OSMR: variants seen among roughly 807,000 people sequenced by gnomAD.
The protein encoded by OSMR is oncostatin-M-specific receptor subunit beta.
OSMR carries 81 observed loss-of-function variants against 99.9 expected under a neutral mutation model. That is an observed-to-expected ratio of 0.81 (90% confidence interval 0.68 to 0.97). OSMR has a LOEUF of 0.97. Ranked by LOEUF, OSMR falls within the 50% of genes least tolerant of loss-of-function variation. OSMR has a pLI of 0.00. For missense variants in OSMR, 1,099 were observed against 1,153.4 expected (o/e 0.95, Z 0.68); for synonymous variants, 406 against 410.4 (o/e 0.99, Z 0.13).
rs1053077650 is a variant in OSMR, at chr5:38,846,350, G to A, written c.-51G>A. On this transcript the variant is annotated 5_prime_UTR_variant, in exon 1 of 18. Transcript: ENST00000274276. ...GCTGGGCTACCACCTGCGCTCGGAC[G>A]GCGCTCGGAGGGTCCTCGCCCCCGG... The A allele has an allele frequency of 6.6e-6, 1 of 152,286 alleles. No individual in the cohort carries two copies. The highest frequency in any genetic ancestry group is 1.5e-5 in the Non-Finnish European group (1 of 68,106). 9.4% of individuals were successfully genotyped at this position (152,286 alleles called of 1,614,324 possible). A position where few individuals can be genotyped will look rare whatever the true frequency, so the allele number is the denominator to read the frequency against.
At chr5:38,920,874 A>G (rs2112648052) in intron 11 of OSMR, among the ~76,000 whole-genome samples, 1 of 152,338 alleles carries the variant, frequency 6.6e-6, no homozygotes, top group South Asian at 2.1e-4. Context: ...AGACATCAGG[A>G]AACCTACTTT....
chr5:38,944,429 G>C (rs750741403), intron 2 of OSMR: 16 of 1,589,970 alleles, frequency 1.0e-5, no homozygotes, highest in Non-Finnish European at 1.2e-5. Context: ...TAATACTCAT[G>C]CACATAGTTT....
chr5:38,913,400 A>T, intron 9 of OSMR, among the ~76,000 whole-genome samples: 1 of 152,050 alleles, frequency 6.6e-6, no homozygotes, highest in East Asian at 1.9e-4. Flanking sequence ...ATAGAAAAAA[A>T]TCAGCCAGGC....
At chr5:38,854,285 G>A (rs1740681748) in intron 1 of OSMR, among the ~76,000 whole-genome samples, 1 of 152,210 alleles carries the variant, frequency 6.6e-6, no homozygotes, top group Non-Finnish European at 1.5e-5. Flanking sequence ...TTATCACGCT[G>A]CTTCTCATGG....
At chr5:38,940,143 C>CAAAAAAAAAAAAAAA (rs68031684), downstream of OSMR, 1 of 178,676 alleles carries the variant, frequency 5.6e-6, no homozygotes, top group African/African-American at 2.7e-5. Context: ...AAAAAAAAAA[C>CAAAAAAAAAAAAAAA]AAAAAAAAAA....
chr5:38,877,740 C>T (rs567177303), intron 3 of OSMR, among the ~76,000 whole-genome samples: 1 of 152,190 alleles, frequency 6.6e-6, no homozygotes, highest in African/African-American at 2.4e-5. Context: ...ATAACATTAA[C>T]CATAGACTAC....
At chr5:38,857,473 GT>G (rs1579626958) in intron 1 of OSMR, among the ~76,000 whole-genome samples, 1 of 152,118 alleles carries the variant, frequency 6.6e-6, no homozygotes, top group East Asian at 1.9e-4. Context: ...TTAATATTCA[GT>G]TGTAATACAA....
intron 1 of OSMR, chr5:38,942,824 C>T (rs368617002): frequency 1.3e-6 from 2 of 1,583,652 alleles, no homozygotes. Context: ...AAGTACTAAT[C>T]ATACTTACTT....
intron 7 of OSMR, among the ~76,000 whole-genome samples, chr5:38,891,539 G>C (rs1047454701): frequency 7.2e-5 from 11 of 152,206 alleles, no homozygotes; most frequent in Non-Finnish European, 7.3e-5. Context: ...TGTGGAGCCA[G>C]GGGAGGCTCC....
At chr5:38,873,745 G>A (rs1379129998) in intron 2 of OSMR, among the ~76,000 whole-genome samples, 2 of 152,112 alleles carry the variant, frequency 1.3e-5, no homozygotes, top group African/African-American at 4.8e-5. Flanking sequence ...TAATGATATT[G>A]AACATCTTTT....
At chr5:38,910,305 T>TA (rs1745490458) in intron 9 of OSMR, among the ~76,000 whole-genome samples, 1 of 152,158 alleles carries the variant, frequency 6.6e-6, no homozygotes, top group African/African-American at 2.4e-5. Flanking sequence ...CTGACAGTAT[T>TA]ACATGAATTA....
chr5:38,939,371 G>T (rs1288207364), downstream of OSMR: 2 of 232,058 alleles, frequency 8.6e-6, no homozygotes, highest in Non-Finnish European at 1.7e-5. Flanking sequence ...CTTCCAAAGA[G>T]CCTCTTTTAA....
At chr5:38,877,947 T>C (rs895899548) in intron 3 of OSMR, among the ~76,000 whole-genome samples, 2 of 152,206 alleles carry the variant, frequency 1.3e-5, no homozygotes, top group African/African-American at 4.8e-5. Flanking sequence ...ATTTCTGTAA[T>C]CTTCTAGGGC....
At position 38,931,901 on chromosome 5, in the gene OSMR, T is replaced by G; in HGVS notation, c.2231T>G (p.Ile744Ser). 1 of 1,613,664 alleles carries G rather than the reference T, an allele frequency of 6.2e-7. No homozygotes were observed. Among genetic ancestry groups the G allele is most frequent in the Non-Finnish European group, 8.5e-7 (1 of 1,179,590 alleles). Residue 744 changes from isoleucine to serine, a missense_variant, in exon 16 of 18, where the codon ATC (isoleucine) becomes AGC (serine). Coordinates refer to ENST00000274276, the MANE Select transcript of OSMR (RefSeq NM_003999.3). ...CGTTCAGCCTCGATGCTGATTCATA[T>G]CCTACTGCCCATGGTTTTCTGCGTC... ...PDEHSSMLIH[I>S]LLPMVFCVLL...
At chr5:38,851,819 T>G (rs1301946166) in intron 1 of OSMR, among the ~76,000 whole-genome samples, 1 of 152,170 alleles carries the variant, frequency 6.6e-6, no homozygotes, top group Non-Finnish European at 1.5e-5. Flanking sequence ...AACGGAATCA[T>G]GGGGGCAGTT....
rs1202570023 is a variant in OSMR, at chr5:38,934,430, G to A, written c.*986G>A. 6.6e-6 allele frequency: 1 copy of A among 152,130 alleles called. No homozygotes were observed. Among genetic ancestry groups the A allele is most frequent in the Admixed American group, 6.5e-5 (1 of 15,280 alleles). 9.4% of individuals were successfully genotyped at this position (152,130 alleles called of 1,614,324 possible). ...GACATAATTTAGATATAACTAAAAA[G>A]TTCTATGAAGTGGGAAATTCCGTGT... On this transcript the variant is annotated 3_prime_UTR_variant, in exon 18 of 18. Coordinates refer to ENST00000274276, the MANE Select transcript of OSMR (RefSeq NM_003999.3).
chr5:38,862,725 G>C (rs1202698571), intron 1 of OSMR, among the ~76,000 whole-genome samples: 1 of 146,956 alleles, frequency 6.8e-6, no homozygotes, highest in Admixed American at 6.7e-5. Context: ...ATGGGATGGC[G>C]GCCGGGAAGA....
intron 9 of OSMR, 61 bp from the exon 10 acceptor site, chr5:38,917,485 G>A (rs357261): frequency 0.026 from 41,150 of 1,600,112 alleles, 1,640 homozygotes; most frequent in African/African-American, 0.14. Context: ...CTAGAAAAAG[G>A]TTGAGCATAT....
intron 1 of OSMR, among the ~76,000 whole-genome samples, chr5:38,850,728 T>TACACATTGTTCATGTGTAA (rs769225030): frequency 7.2e-5 from 11 of 152,226 alleles, no homozygotes; most frequent in African/African-American, 2.4e-5. Context: ...ATGCCAGCTT[T>TACACATTGTTCATGTGTAA]TGAGAAGATG....
Sources: allele counts gnomAD v4.1 joint callset (sites outside exome capture counted in the v4.1 genomes callset), GRCh38; gene constraint gnomAD v4.1.1; transcripts MANE v1.5; gene names NCBI Gene and HGNC (gene_info 2026-07-23, HGNC 2026-07-21).